Variants in AFG2A observed in about 807,000 individuals in gnomAD.
AFG2A encodes AAA ATPase AFG2A, also known as ATPase family gene 2 protein homolog A.
the AFG2A span, among the ~76,000 whole-genome samples, chr4:123,206,551 A>T: frequency 2.0e-5 from 3 of 152,144 alleles, no homozygotes; most frequent in Non-Finnish European, 4.4e-5. Context: ...TTCATTTCTG[A>T]GTTGAAATTC....
the AFG2A span, among the ~76,000 whole-genome samples, chr4:123,026,105 ATG>A: frequency 0.06 from 9,013 of 149,214 alleles, 653 homozygotes; most frequent in African/African-American, 0.18. Flanking sequence ...GTGTATGTGT[ATG>A]TGTGTGTGTG....
the AFG2A span, among the ~76,000 whole-genome samples, chr4:123,189,429 G>T: frequency 6.6e-6 from 1 of 152,116 alleles, no homozygotes; most frequent in Admixed American, 6.5e-5. Flanking sequence ...TTCAGCTAGA[G>T]CCCTTTGGAT....
At chr4:122,933,551 C>A in the AFG2A span, 1 of 1,449,932 alleles carries the variant, frequency 6.9e-7, no homozygotes, top group East Asian at 2.3e-5. Context: ...AAGGCATCAG[C>A]AAATAAAGTG....
the AFG2A span, among the ~76,000 whole-genome samples, chr4:123,118,702 G>T: frequency 1.3e-5 from 2 of 151,824 alleles, no homozygotes; most frequent in African/African-American, 4.8e-5. Flanking sequence ...TTGTAATTTT[G>T]TTAGATATTA....
chr4:123,088,489 G>C, the AFG2A span, among the ~76,000 whole-genome samples: 2 of 152,158 alleles, frequency 1.3e-5, no homozygotes. Context: ...AAACTCCCAC[G>C]TGGAAAAGTT....
the AFG2A span, among the ~76,000 whole-genome samples, chr4:123,017,414 ATTTTTTTTTTTTTTTTTTTT>A: frequency 4.0e-5 from 3 of 74,732 alleles, no homozygotes; most frequent in East Asian, 4.2e-4. Context: ...AGCATGGGAA[ATTTTTTTTTTTTTTTTTTTT>A]TTTTTTTTTT....
chr4:122,958,862 A>C, the AFG2A span, among the ~76,000 whole-genome samples: 1 of 152,230 alleles, frequency 6.6e-6, no homozygotes, highest in Admixed American at 6.5e-5. Flanking sequence ...TAAGGGAGTT[A>C]GGAAGCTGGA....
At chr4:123,212,739 A>G in the AFG2A span, among the ~76,000 whole-genome samples, 1 of 152,164 alleles carries the variant, frequency 6.6e-6, no homozygotes, top group African/African-American at 2.4e-5. Context: ...AGCCGTTTGC[A>G]TGGAAATACA....
At chr4:123,075,518 TCA>T in the AFG2A span, among the ~76,000 whole-genome samples, 1 of 151,994 alleles carries the variant, frequency 6.6e-6, no homozygotes, top group Non-Finnish European at 1.5e-5. Context: ...GAACCTGGTC[TCA>T]AACTCCTGAC....
the AFG2A span, among the ~76,000 whole-genome samples, chr4:123,221,849 C>A: frequency 6.6e-6 from 1 of 152,140 alleles, no homozygotes; most frequent in African/African-American, 2.4e-5. Flanking sequence ...ATCATTTGAA[C>A]CCGGGAGGCG....
chr4:123,102,829 T>TGTGC, the AFG2A span, among the ~76,000 whole-genome samples: 3 of 151,040 alleles, frequency 2.0e-5, no homozygotes, highest in Admixed American at 2.0e-4. Context: ...TGTGTGTGTG[T>TGTGC]GTGTGTGTGG....
the AFG2A span, among the ~76,000 whole-genome samples, chr4:123,177,395 G>C: frequency 6.6e-6 from 1 of 152,136 alleles, no homozygotes; most frequent in South Asian, 2.1e-4. Flanking sequence ...GTTTCACCGT[G>C]TTGGCTGGGA....
chr4:123,028,234 G>A, the AFG2A span: 1 of 1,614,048 alleles, frequency 6.2e-7, no homozygotes, highest in Admixed American at 1.7e-5. Flanking sequence ...ACTGAAGTTG[G>A]AACAGGCTGT....
At chr4:123,123,036 A>G in the AFG2A span, among the ~76,000 whole-genome samples, 1 of 152,154 alleles carries the variant, frequency 6.6e-6, no homozygotes, top group Non-Finnish European at 1.5e-5. Context: ...GCCTCAAGAA[A>G]ATCTATTTTA....
the AFG2A span, among the ~76,000 whole-genome samples, chr4:123,164,069 C>T: frequency 6.6e-6 from 1 of 152,140 alleles, no homozygotes; most frequent in Non-Finnish European, 1.5e-5. Flanking sequence ...TCTTTCTCTG[C>T]ACATTTAACC....
the AFG2A span, chr4:122,923,264 C>T: frequency 3.7e-6 from 6 of 1,614,024 alleles, no homozygotes; most frequent in Non-Finnish European, 5.1e-6. Flanking sequence ...GACTTCGCGG[C>T]AACCTCCGGG....
chr4:123,113,499 T>TA, the AFG2A span, among the ~76,000 whole-genome samples: 34 of 148,348 alleles, frequency 2.3e-4, 1 homozygote, highest in South Asian at 8.5e-4. Flanking sequence ...CAGTTAATAT[T>TA]AAAAAAAAAA....
the AFG2A span, among the ~76,000 whole-genome samples, chr4:122,992,358 A>G: frequency 1.3e-5 from 2 of 152,228 alleles, no homozygotes; most frequent in African/African-American, 2.4e-5. Context: ...AGTGATTAAC[A>G]CTGGTGAAAG....
the AFG2A span, among the ~76,000 whole-genome samples, chr4:123,047,213 C>T: frequency 6.6e-6 from 1 of 152,184 alleles, no homozygotes; most frequent in Non-Finnish European, 1.5e-5. Context: ...ACATTCCCAT[C>T]GACAGTGTAC....
Sources: allele counts gnomAD v4.1 joint callset (sites outside exome capture counted in the v4.1 genomes callset), GRCh38; gene constraint gnomAD v4.1.1; transcripts MANE v1.5; gene names NCBI Gene and HGNC (gene_info 2026-07-23, HGNC 2026-07-21).